SCAF4: variants seen among roughly 807,000 people sequenced by gnomAD.
SCAF4 encodes SR-related CTD associated factor 4.
Under a neutral mutation model 129.8 loss-of-function variants are expected in SCAF4, and 25 were observed. The observed-to-expected ratio is 0.19, with a 90% CI of 0.14 to 0.27. The LOEUF is 0.27. Ranked by LOEUF, SCAF4 falls within the 10% of genes least tolerant of loss-of-function variation. The pLI, the probability that SCAF4 is intolerant of heterozygous loss-of-function variation, is 1.00. For missense variants in SCAF4, 1,246 were observed against 1,457.1 expected, an observed-to-expected ratio of 0.86 and a Z score of 2.36; for synonymous variants, 551 against 497.7, an observed-to-expected ratio of 1.11 and a Z score of -1.43.
chr21:31,725,107 A>G (rs573612514), intron 1 of SCAF4, among the ~76,000 whole-genome samples: 1 of 152,326 alleles, frequency 6.6e-6, no homozygotes, highest in South Asian at 2.1e-4. Flanking sequence ...ACAGCACAAC[A>G]TGGTCAACTT....
intron 19 of SCAF4, among the ~76,000 whole-genome samples, chr21:31,676,723 T>G (rs1352077395): frequency 6.6e-6 from 1 of 152,224 alleles, no homozygotes; most frequent in African/African-American, 2.4e-5. Flanking sequence ...TCCTGTAATT[T>G]ACCCACATAA....
intron 1 of SCAF4, among the ~76,000 whole-genome samples, chr21:31,708,380 TA>T (rs1189936689): frequency 1.0e-3 from 138 of 138,656 alleles, no homozygotes; most frequent in Middle Eastern, 3.6e-3. Context: ...ACTCTGTCTT[TA>T]AAAAAAAAAA....
chr21:31,684,802 AAGAC>A (rs1458597284), intron 19 of SCAF4: 5 of 489,794 alleles, frequency 1.0e-5, no homozygotes, highest in South Asian at 4.6e-5. Flanking sequence ...ACTTTTATTC[AAGAC>A]AGACAAACAT....
rs1331644756 is a variant in SCAF4 at position 31,671,500 on chromosome 21, C to G, written c.3343G>C (p.Glu1115Gln). Residue 1115 changes from glutamate (E) to glutamine (Q), a missense_variant, in exon 20 of 20, where the codon GAG becomes CAG. This residue lies in a region of SCAF4 where 339 missense variants were observed against 325.0 expected (regional missense o/e 1.04). Coordinates refer to ENST00000286835, the MANE Select transcript of SCAF4 (RefSeq NM_020706.2). ...TCAGAAGGCTTTAGGACTGCAGCCT[C>G]AGACACCCCCTTCTCAAGTTCTGAA... ...TASELEKGVS[E>Q]AAVLKPSEEL... 2 of 1,614,080 alleles carry G rather than the reference C, an allele frequency of 1.2e-6. No homozygotes were observed. Among genetic ancestry groups the G allele is most frequent in the African/African-American group, 2.7e-5 (2 of 74,912 alleles).
Position 31,731,919 on chromosome 21 carries a change from GA to G in SCAF4, c.-228del. The stretch of plus-strand genomic sequence containing the variant: ...CTCTCAGTCCCGTTCGCAGGATGAG[GA>G]AAAGGAGGCGGCGGCAGCGCTGGTC... On this transcript the variant is annotated 5_prime_UTR_variant, in exon 1 of 20. It removes the in-frame stop codon of an upstream open reading frame in the 5' UTR. Coordinates refer to ENST00000286835, the MANE Select transcript of SCAF4 (RefSeq NM_020706.2). The G allele has an allele frequency of 4.1e-6, 2 of 490,716 alleles. No individual in the cohort carries two copies. The highest frequency in any genetic ancestry group is 7.1e-6 in the Non-Finnish European group (2 of 283,028). The allele number at this position is 490,716 out of a possible 1,614,324, so 30.4% of individuals were successfully genotyped here.
At chr21:31,687,188 G>A (rs1188653523) in intron 16 of SCAF4, among the ~76,000 whole-genome samples, 1 of 152,124 alleles carries the variant, frequency 6.6e-6, no homozygotes, top group African/African-American at 2.4e-5. Flanking sequence ...GAGAAACTGA[G>A]GAAGGAAGAC....
rs760762178 is a variant in SCAF4, at chr21:31,731,658, C to G, written c.30+5G>C. 5.0e-6 allele frequency: 8 copies of G among 1,588,146 alleles called. 1 individual carries two copies. In the South Asian group the frequency reaches 9.0e-5, roughly 18 times the overall value. On this transcript the variant is annotated splice_donor_5th_base_variant and intron_variant, in intron 1 of 19. Transcript: ENST00000286835. ...CGGCACCCCCCTGCCCCAAACACCC[C>G]TTACCTCCTGGTTGAAGGCGTTGAC...
intron 19 of SCAF4, among the ~76,000 whole-genome samples, chr21:31,678,789 G>C (rs2049926818): frequency 6.6e-6 from 1 of 152,028 alleles, no homozygotes; most frequent in Admixed American, 6.6e-5. Flanking sequence ...CCTAGCAATC[G>C]TATTTAAAAT....
intron 1 of SCAF4, among the ~76,000 whole-genome samples, chr21:31,723,194 A>G (rs908659747): frequency 2.6e-5 from 4 of 152,230 alleles, no homozygotes; most frequent in African/African-American, 7.2e-5. Context: ...GAACACAAAT[A>G]TGTGAAGATC....
chr21:31,702,507 G>GA, intron 4 of SCAF4, 128 bp from the exon 5 acceptor site: 2 of 806,802 alleles, frequency 2.5e-6, no homozygotes, highest in Non-Finnish European at 3.8e-6. Context: ...TCATAAACAA[G>GA]GAAAAAAAAA....
At chr21:31,686,748 C>T (rs1158477014) in intron 16 of SCAF4, among the ~76,000 whole-genome samples, 3 of 152,162 alleles carry the variant, frequency 2.0e-5, no homozygotes, top group Admixed American at 2.0e-4. Context: ...ATTAGATTGT[C>T]ATAGGAGCAT....
intron 1 of SCAF4, among the ~76,000 whole-genome samples, chr21:31,726,728 A>G (rs2051214672): frequency 6.6e-6 from 1 of 152,204 alleles, no homozygotes; most frequent in South Asian, 2.1e-4. Flanking sequence ...AGAAATTCCT[A>G]CACATGCGCA....
At chr21:31,708,037 G>A (rs1052653515) in intron 1 of SCAF4, among the ~76,000 whole-genome samples, 50 of 152,276 alleles carry the variant, frequency 3.3e-4, no homozygotes, top group African/African-American at 1.2e-3. Context: ...ATTTACCAAT[G>A]TAATAAAAAA....
chr21:31,731,366 G>C (rs926351961), intron 1 of SCAF4, among the ~76,000 whole-genome samples: 1 of 152,244 alleles, frequency 6.6e-6, no homozygotes, highest in Non-Finnish European at 1.5e-5. Context: ...CCGAAAAAGG[G>C]CCAAGTTAGA....
Position 31,671,324 on chromosome 21 carries a change from A to C in SCAF4, c.*75T>G. 1 of 1,523,470 alleles carries C rather than the reference A, an allele frequency of 6.6e-7. No individual in the cohort carries two copies. Among genetic ancestry groups the C allele is most frequent in the Non-Finnish European group, 8.8e-7 (1 of 1,132,206 alleles). 94.4% of individuals were successfully genotyped at this position (1,523,470 alleles called of 1,614,324 possible). A position where few individuals can be genotyped will look rare whatever the true frequency, so the allele number is the denominator to read the frequency against. Reference sequence around the variant, plus strand: ...GGGCTGCAGTACAGCGGGAGCGGATATAATACAGCATCTGTACACCTCAAG... The same window carrying C: ...GGGCTGCAGTACAGCGGGAGCGGATCTAATACAGCATCTGTACACCTCAAG... On this transcript the variant is annotated 3_prime_UTR_variant, in exon 20 of 20. Transcript: ENST00000286835.
At chr21:31,703,957 G>GAAAAA (rs766573688) in intron 3 of SCAF4, 31 bp from the exon 4 acceptor site, 1 of 1,409,370 alleles carries the variant, frequency 7.1e-7, no homozygotes, top group Admixed American at 1.9e-5. Flanking sequence ...GATCAGTACA[G>GAAAAA]AAAAAGCAAA....
chr21:31,693,089 T>A (rs966444574), intron 12 of SCAF4, among the ~76,000 whole-genome samples: 39 of 152,224 alleles, frequency 2.6e-4, no homozygotes, highest in African/African-American at 8.4e-4. Flanking sequence ...CACTCCTTAC[T>A]GCTGCTTTAT....
At chr21:31,696,464 A>T in intron 8 of SCAF4, 105 bp downstream of exon 8, 6 of 1,196,104 alleles carry the variant, frequency 5.0e-6, no homozygotes, top group Non-Finnish European at 6.8e-6. Flanking sequence ...AAATTTTACA[A>T]AACAACTTCA....
intron 19 of SCAF4, among the ~76,000 whole-genome samples, chr21:31,683,595 T>C (rs911848312): frequency 6.6e-6 from 1 of 152,082 alleles, no homozygotes; most frequent in African/African-American, 2.4e-5. Flanking sequence ...TAGTTTCAGG[T>C]AGTCTAACAT....
Sources: gnomAD v4.1 joint callset for allele counts (sites outside exome capture counted in the v4.1 genomes callset) on GRCh38, gnomAD v4.1.1 for gene constraint, gnomAD v4.1.1 regional missense constraint, MANE v1.5 for transcripts, NCBI Gene and HGNC (gene_info 2026-07-23, HGNC 2026-07-21) for gene names.